TNFSF4: variants seen among roughly 807,000 people sequenced by gnomAD.
The protein encoded by TNFSF4 is TNF superfamily member 4.
A neutral mutation model predicts 7.3 loss-of-function variants in TNFSF4; 4 were observed. The ratio of observed to expected loss-of-function variants is 0.55; its 90% CI spans 0.27 to 1.25. TNFSF4 has a LOEUF of 1.25. Among genes scored for constraint, TNFSF4 ranks in the 50% most tolerant of loss-of-function variants. The probability of loss-of-function intolerance (pLI) is 0.12; values close to 1 mark genes in which losing one functional copy is unlikely to be tolerated. For synonymous variants in TNFSF4, 76 were observed against 83.7 expected, an observed-to-expected ratio of 0.91 and a Z score of 0.50; for missense variants, 181 against 208.8, an observed-to-expected ratio of 0.87 and a Z score of 0.82.
At chr1:173,435,472 G>A in the TNFSF4 span, among the ~76,000 whole-genome samples, 1 of 152,112 alleles carries the variant, frequency 6.6e-6, no homozygotes, top group South Asian at 2.1e-4. Flanking sequence ...CTTATAAGAG[G>A]AGACACCAGC....
At chr1:173,224,372 C>T in the TNFSF4 span, among the ~76,000 whole-genome samples, 1 of 152,178 alleles carries the variant, frequency 6.6e-6, no homozygotes, top group Admixed American at 6.5e-5. Context: ...CTAATTTAAT[C>T]CCTGCAGAGT....
At chr1:173,172,973 C>T in the TNFSF4 span, among the ~76,000 whole-genome samples, 61 of 152,272 alleles carry the variant, frequency 4.0e-4, 1 homozygote, top group African/African-American at 1.3e-3. Context: ...ACATGTCCTT[C>T]TTCACAAGGC....
At chr1:173,269,224 G>A in the TNFSF4 span, among the ~76,000 whole-genome samples, 2 of 152,122 alleles carry the variant, frequency 1.3e-5, no homozygotes, top group African/African-American at 4.8e-5. Flanking sequence ...AAGAATGGCA[G>A]AATGCAATCT....
At chr1:173,368,040 A>G in the TNFSF4 span, among the ~76,000 whole-genome samples, 1 of 152,206 alleles carries the variant, frequency 6.6e-6, no homozygotes, top group Non-Finnish European at 1.5e-5. Flanking sequence ...AGTGCTCTGT[A>G]AAATGCACCA....
chr1:173,333,786 C>G, the TNFSF4 span, among the ~76,000 whole-genome samples: 1 of 152,146 alleles, frequency 6.6e-6, no homozygotes, highest in African/African-American at 2.4e-5. Context: ...TTTGTTATGA[C>G]AGCATGCGCT....
Position 173,184,566 on chromosome 1 carries a change from G to T in TNFSF4, c.*1950C>A, listed in dbSNP as rs943007630. 6 of 152,196 alleles carry T rather than the reference G, an allele frequency of 3.9e-5. No homozygotes were observed. The highest frequency in any genetic ancestry group is 1.2e-4 in the African/African-American group (5 of 41,428). The allele number at this position is 152,196 out of a possible 1,614,324, so 9.4% of individuals were successfully genotyped here. A position where few individuals can be genotyped will look rare whatever the true frequency, so the allele number is the denominator to read the frequency against. On this transcript the variant is annotated 3_prime_UTR_variant, in exon 3 of 3. Transcript: ENST00000281834. Reference sequence around the variant, plus strand: ...GCACTGCACATCTGTGAGAAATATAGATAAAAATTCCAAACTTAAAAATGA... The same window carrying T: ...GCACTGCACATCTGTGAGAAATATATATAAAAATTCCAAACTTAAAAATGA...
the TNFSF4 span, among the ~76,000 whole-genome samples, chr1:173,245,369 G>C: frequency 6.6e-6 from 1 of 152,166 alleles, no homozygotes; most frequent in South Asian, 2.1e-4. Flanking sequence ...ATTATTCCAG[G>C]TTCCCTTGCT....
the TNFSF4 span, among the ~76,000 whole-genome samples, chr1:173,231,851 C>G: frequency 2.2e-4 from 33 of 152,100 alleles, no homozygotes; most frequent in African/African-American, 8.0e-4. Flanking sequence ...CATGAGTGAA[C>G]TCCCATTCAC....
chr1:173,403,717 G>A, the TNFSF4 span, among the ~76,000 whole-genome samples: 1 of 152,068 alleles, frequency 6.6e-6, no homozygotes. Flanking sequence ...GCCTGGCCAA[G>A]ATGGTGAAAC....
the TNFSF4 span, among the ~76,000 whole-genome samples, chr1:173,228,910 C>A: frequency 6.6e-6 from 1 of 152,110 alleles, no homozygotes; most frequent in African/African-American, 2.4e-5. Flanking sequence ...AACAAGGACT[C>A]CAAGAAATAT....
the TNFSF4 span, among the ~76,000 whole-genome samples, chr1:173,310,912 A>G: frequency 7.9e-5 from 12 of 152,100 alleles, no homozygotes; most frequent in African/African-American, 2.9e-4. Flanking sequence ...CACTTTTGCT[A>G]ATATAGCTGC....
the TNFSF4 span, among the ~76,000 whole-genome samples, chr1:173,324,430 CAAGGCTAGG>C: frequency 2.6e-5 from 4 of 152,284 alleles, no homozygotes; most frequent in Non-Finnish European, 4.4e-5. Flanking sequence ...TAAAGACCAT[CAAGGCTAGG>C]AAGAAACTGC....
the TNFSF4 span, among the ~76,000 whole-genome samples, chr1:173,380,151 C>T: frequency 6.6e-6 from 1 of 152,188 alleles, no homozygotes; most frequent in African/African-American, 2.4e-5. Context: ...AGCCTGTAAC[C>T]AGGTATTTCT....
At chr1:173,217,575 A>G in the TNFSF4 span, among the ~76,000 whole-genome samples, 1 of 152,232 alleles carries the variant, frequency 6.6e-6, no homozygotes, top group Non-Finnish European at 1.5e-5. Context: ...GACCATGATG[A>G]GAGTATTTAT....
chr1:173,315,975 C>T, the TNFSF4 span, among the ~76,000 whole-genome samples: 1 of 152,084 alleles, frequency 6.6e-6, no homozygotes, highest in Non-Finnish European at 1.5e-5. Context: ...ATTGTCAAGG[C>T]CAATGTCAAG....
the TNFSF4 span, among the ~76,000 whole-genome samples, chr1:173,294,789 T>C: frequency 6.6e-6 from 1 of 152,004 alleles, no homozygotes; most frequent in Non-Finnish European, 1.5e-5. Context: ...ATGTGGAACC[T>C]GTGGATACAG....
the TNFSF4 span, among the ~76,000 whole-genome samples, chr1:173,259,114 C>T: frequency 1.3e-5 from 2 of 152,130 alleles, no homozygotes; most frequent in African/African-American, 4.8e-5. Context: ...GGCTGGTGCT[C>T]CTCTGGGATG....
chr1:173,421,687 T>A, the TNFSF4 span, among the ~76,000 whole-genome samples: 1 of 151,658 alleles, frequency 6.6e-6, no homozygotes, highest in African/African-American at 2.4e-5. Flanking sequence ...AAAAAAAAAA[T>A]GAAAATCCCC....
At chr1:173,209,462 G>T (rs1650303973), upstream of TNFSF4, among the ~76,000 whole-genome samples, 1 of 152,066 alleles carries the variant, frequency 6.6e-6, no homozygotes, top group Non-Finnish European at 1.5e-5. Context: ...TTTTAAAGGG[G>T]TCAAATACGT....
Sources: allele counts gnomAD v4.1 joint callset (sites outside exome capture counted in the v4.1 genomes callset), GRCh38; gene constraint gnomAD v4.1.1; transcripts MANE v1.5; gene names NCBI Gene and HGNC (gene_info 2026-07-23, HGNC 2026-07-21).